Variants in NBAS observed in about 807,000 individuals in gnomAD.
The protein encoded by NBAS is NAG/BC035112 fusion.
A neutral mutation model predicts 302.5 loss-of-function variants in NBAS; 219 were observed. The observed-to-expected ratio is 0.72, with a 90% confidence interval of 0.65 to 0.81. The LOEUF (loss-of-function observed/expected upper bound fraction) is 0.81, where lower values mean the gene tolerates loss of function less well. Among genes scored for constraint, NBAS ranks in the 30% least tolerant of loss-of-function variants. NBAS has a pLI of 0.00. For synonymous variants in NBAS, 1,118 were observed against 1,021.6 expected (o/e 1.09, Z -1.80); for missense variants, 2,932 against 2,841.6 (o/e 1.03, Z -0.72).
At chr2:14,991,919 A>C in the NBAS span, among the ~76,000 whole-genome samples, 1 of 152,106 alleles carries the variant, frequency 6.6e-6, no homozygotes, top group African/African-American at 2.4e-5. Flanking sequence ...TCAAGGACTC[A>C]CTCTCTACTA....
At chr2:15,537,160 A>C (rs1316272835) in intron 7 of NBAS, among the ~76,000 whole-genome samples, 4 of 152,246 alleles carry the variant, frequency 2.6e-5, no homozygotes, top group African/African-American at 9.6e-5. Context: ...CTTTGGCATA[A>C]GGATTATTTT....
chr2:15,022,228 G>C, the NBAS span, among the ~76,000 whole-genome samples: 1 of 152,144 alleles, frequency 6.6e-6, no homozygotes, highest in Non-Finnish European at 1.5e-5. Flanking sequence ...GGTGCTATGA[G>C]GATTCGATGA....
chr2:15,214,582 T>C (rs984383715), intron 48 of NBAS, among the ~76,000 whole-genome samples: 4 of 152,208 alleles, frequency 2.6e-5, no homozygotes, highest in African/African-American at 7.2e-5. Flanking sequence ...TTATATGATA[T>C]GGATGTGTGC....
chr2:15,517,463 GA>G (rs1293392306), intron 9 of NBAS, among the ~76,000 whole-genome samples: 3 of 152,156 alleles, frequency 2.0e-5, no homozygotes, highest in Non-Finnish European at 4.4e-5. Context: ...GGAAGAAAGT[GA>G]GACAAAATAA....
the NBAS span, among the ~76,000 whole-genome samples, chr2:14,987,698 T>C: frequency 6.6e-6 from 1 of 152,124 alleles, no homozygotes; most frequent in African/African-American, 2.4e-5. Flanking sequence ...ATGGGCTAAT[T>C]ATAAAAACTC....
intron 29 of NBAS, among the ~76,000 whole-genome samples, chr2:15,381,907 CAAAGCAG>C (rs938798805): frequency 6.8e-4 from 103 of 152,260 alleles, no homozygotes; most frequent in African/African-American, 2.3e-3. Flanking sequence ...AACAATTTCA[CAAAGCAG>C]AGACCTATTT....
intron 12 of NBAS, 121 bp from the exon 13 acceptor site, chr2:15,478,410 A>G (rs1433070267): frequency 8.1e-6 from 6 of 737,938 alleles, no homozygotes; most frequent in East Asian, 2.7e-5. Flanking sequence ...CTCAATTACA[A>G]CTAATTGAAA....
At chr2:15,400,725 T>C (rs1223226067) in intron 26 of NBAS, among the ~76,000 whole-genome samples, 1 of 152,200 alleles carries the variant, frequency 6.6e-6, no homozygotes, top group African/African-American at 2.4e-5. Context: ...ATTATTTATA[T>C]TTAAAAATCA....
At chr2:14,811,859 C>T in the NBAS span, among the ~76,000 whole-genome samples, 1 of 152,068 alleles carries the variant, frequency 6.6e-6, no homozygotes, top group Admixed American at 6.6e-5. Context: ...GAGTGGTTAG[C>T]TATAGTGGGT....
At chr2:15,146,651 C>G in the NBAS span, among the ~76,000 whole-genome samples, 7 of 152,186 alleles carry the variant, frequency 4.6e-5, no homozygotes, top group South Asian at 1.2e-3. Flanking sequence ...AACCAGAACC[C>G]AGGATGCAGT....
At chr2:15,076,702 A>G in the NBAS span, among the ~76,000 whole-genome samples, 1 of 152,120 alleles carries the variant, frequency 6.6e-6, no homozygotes, top group Non-Finnish European at 1.5e-5. Flanking sequence ...CTCACCATAA[A>G]GTGGGCTGGC....
At chr2:15,477,803 A>T (rs1368274295) in intron 13 of NBAS, among the ~76,000 whole-genome samples, 1 of 152,244 alleles carries the variant, frequency 6.6e-6, no homozygotes, top group African/African-American at 2.4e-5. Flanking sequence ...TTCTACTTAT[A>T]AAAGCAATAT....
chr2:14,785,653 C>T, the NBAS span, among the ~76,000 whole-genome samples: 1 of 152,222 alleles, frequency 6.6e-6, no homozygotes, highest in Admixed American at 6.5e-5. Flanking sequence ...ACCAGCCTTG[C>T]ATCCCAGGGA....
the NBAS span, among the ~76,000 whole-genome samples, chr2:14,837,598 A>G: frequency 1.3e-5 from 2 of 151,922 alleles, no homozygotes; most frequent in African/African-American, 4.8e-5. Context: ...ACTAATAGTA[A>G]TAAAACTATT....
chr2:15,186,565 C>A (rs1181960761), intron 50 of NBAS, among the ~76,000 whole-genome samples, 177 bp downstream of exon 50: 3 of 152,082 alleles, frequency 2.0e-5, no homozygotes, highest in Non-Finnish European at 4.4e-5. Context: ...AAGAAAGCAG[C>A]CTCAAAGCAT....
At chr2:15,418,159 T>A (rs964269675) in intron 23 of NBAS, among the ~76,000 whole-genome samples, 2 of 152,234 alleles carry the variant, frequency 1.3e-5, no homozygotes, top group African/African-American at 2.4e-5. Flanking sequence ...CTGTATAGTA[T>A]CTATCCTTTC....
the NBAS span, among the ~76,000 whole-genome samples, chr2:15,071,485 G>A: frequency 6.6e-6 from 1 of 152,012 alleles, no homozygotes; most frequent in African/African-American, 2.4e-5. Context: ...CTAGCCGGGC[G>A]TGGCAGAGGG....
At chr2:14,841,875 G>A in the NBAS span, among the ~76,000 whole-genome samples, 2 of 151,936 alleles carry the variant, frequency 1.3e-5, no homozygotes, top group Non-Finnish European at 2.9e-5. Context: ...TCACCCAACT[G>A]TTGCAGAATA....
chr2:14,857,065 C>A, the NBAS span, among the ~76,000 whole-genome samples: 1 of 152,034 alleles, frequency 6.6e-6, no homozygotes, highest in African/African-American at 2.4e-5. Flanking sequence ...CCATGTACAA[C>A]ATTCACAACA....
Sources: allele counts gnomAD v4.1 joint callset (sites outside exome capture counted in the v4.1 genomes callset), GRCh38; gene constraint gnomAD v4.1.1; transcripts MANE v1.5; gene names NCBI Gene and HGNC (gene_info 2026-07-23, HGNC 2026-07-21).